The following FSD1L variants were observed in gnomAD, a reference collection of about 807,000 sequenced individuals.
The protein encoded by FSD1L is FSD1-like protein.
Under a neutral mutation model 71.6 loss-of-function variants are expected in FSD1L, and 45 were observed. The observed-to-expected ratio is 0.63, with a 90% CI of 0.49 to 0.81. FSD1L has a LOEUF of 0.81. FSD1L is among the 30% of genes least tolerant of loss of function. The pLI is 0.00. For synonymous variants in FSD1L, 197 were observed against 207.2 expected, an observed-to-expected ratio of 0.95 and a Z score of 0.42; for missense variants, 561 against 618.1, an observed-to-expected ratio of 0.91 and a Z score of 0.98.
rs947641663 is a variant in FSD1L, at chr9:105,546,649, C to T, written c.*166C>T. ...CCTAGTACGAAGCATTTGCAGGAAC[C>T]TACTGTGCAGTATCATAGAAGCAAG... On this transcript the variant is annotated 3_prime_UTR_variant, in exon 14 of 14. Transcript: ENST00000481272. 1.8e-6 allele frequency: 1 copy of T among 556,794 alleles called. No homozygotes were observed. Among genetic ancestry groups the T allele is most frequent in the African/African-American group, 1.9e-5 (1 of 51,586 alleles). 34.5% of individuals were successfully genotyped at this position (556,794 alleles called of 1,614,324 possible). A position where few individuals can be genotyped will look rare whatever the true frequency, so the allele number is the denominator to read the frequency against.
chr9:105,524,077 A>G, intron 10 of FSD1L: 7 of 1,611,314 alleles, frequency 4.3e-6, no homozygotes, highest in Non-Finnish European at 5.1e-6. Flanking sequence ...CTTATAATCA[A>G]AACTGTATTA....
At chr9:105,496,595 T>G (rs550952245) in intron 7 of FSD1L, among the ~76,000 whole-genome samples, 3 of 152,364 alleles carry the variant, frequency 2.0e-5, no homozygotes, top group South Asian at 2.1e-4. Context: ...TTTCCTCATA[T>G]AAACATGGAA....
At chr9:105,487,757 AT>A (rs1381234867) in intron 7 of FSD1L, among the ~76,000 whole-genome samples, 1 of 152,072 alleles carries the variant, frequency 6.6e-6, no homozygotes, top group Non-Finnish European at 1.5e-5. Context: ...ATACATCACA[AT>A]TTTCTTTTGT....
rs757405762 is a variant in FSD1L, at chr9:105,549,658, A to G, written c.*3175A>G. On this transcript the variant is annotated 3_prime_UTR_variant, in exon 14 of 14. Coordinates refer to ENST00000481272, the MANE Select transcript of FSD1L (RefSeq NM_001145313.3). ...GAGACATATTGGCTTGCTTTAATTT[A>G]CTTATTTATGAAATTAAAGCATGAA... 5 of 151,986 alleles carry G rather than the reference A, an allele frequency of 3.3e-5. No individual in the cohort carries two copies. Among genetic ancestry groups the G allele is most frequent in the Non-Finnish European group, 7.4e-5 (5 of 67,910 alleles). 9.4% of individuals were successfully genotyped at this position (151,986 alleles called of 1,614,324 possible).
intron 13 of FSD1L, among the ~76,000 whole-genome samples, chr9:105,545,918 A>T (rs1158700733): frequency 6.6e-6 from 1 of 152,054 alleles, no homozygotes; most frequent in Non-Finnish European, 1.5e-5. Flanking sequence ...AAAACAGTGG[A>T]TTTTACTGTT....
intron 1 of FSD1L, among the ~76,000 whole-genome samples, chr9:105,459,218 A>G (rs965667001): frequency 1.3e-5 from 2 of 152,216 alleles, no homozygotes; most frequent in South Asian, 4.1e-4. Flanking sequence ...TTCAGAACTC[A>G]GCACATGTAA....
At position 105,448,119 on chromosome 9, in the gene FSD1L, G is replaced by C; in HGVS notation, c.-102G>C. ...GGCCGGGCGGTGCCGGTGCGGGCTG[G>C]GGCAGTGCAGTGAGTAGCGGTCTTG... On this transcript the variant is annotated 5_prime_UTR_variant, in exon 1 of 14. Transcript: ENST00000481272. The C allele has an allele frequency of 2.4e-6, 3 of 1,270,784 alleles. No individual in the cohort carries two copies. Among genetic ancestry groups the C allele is most frequent in the Non-Finnish European group, 3.3e-6 (3 of 899,226 alleles). 78.7% of individuals were successfully genotyped at this position (1,270,784 alleles called of 1,614,324 possible). A position where few individuals can be genotyped will look rare whatever the true frequency, so the allele number is the denominator to read the frequency against.
Position 105,521,154 on chromosome 9 carries a change from G to A in FSD1L, c.1025+8218G>A. 3 of 1,613,924 alleles carry A rather than the reference G, an allele frequency of 1.9e-6. No homozygotes were observed. The Admixed American group carries it at 5.0e-5, about 27-fold the overall frequency. The stretch of plus-strand genomic sequence containing the variant: ...TTGTACAAAGGAGCCTTTCATTAAG[G>A]CTCGTGTTATTGTCATTCGTTGGCT... On this transcript the variant is annotated intron_variant, in intron 10 of 13. Coordinates refer to ENST00000481272, the MANE Select transcript of FSD1L (RefSeq NM_001145313.3).
At chr9:105,477,964 C>T (rs1831919420) in intron 5 of FSD1L, among the ~76,000 whole-genome samples, 1 of 152,080 alleles carries the variant, frequency 6.6e-6, no homozygotes, top group African/African-American at 2.4e-5. Context: ...TTCTGTGTTG[C>T]CTGGGTGTGC....
At chr9:105,527,765 A>G (rs1161555513) in intron 10 of FSD1L, among the ~76,000 whole-genome samples, 1 of 152,076 alleles carries the variant, frequency 6.6e-6, no homozygotes, top group African/African-American at 2.4e-5. Context: ...CACCACTCCT[A>G]CTCAACATAG....
At chr9:105,533,558 G>T (rs1168947702) in intron 10 of FSD1L, among the ~76,000 whole-genome samples, 9 of 149,846 alleles carry the variant, frequency 6.0e-5, no homozygotes. Context: ...GAGTAGCTGG[G>T]ATTACAGGCA....
intron 4 of FSD1L, among the ~76,000 whole-genome samples, chr9:105,468,740 C>G (rs1318147552): frequency 2.0e-5 from 3 of 152,164 alleles, no homozygotes; most frequent in African/African-American, 7.2e-5. Context: ...GGTGATCCAC[C>G]CGTCTTGGCC....
At chr9:105,516,653 A>C (rs1300721336) in intron 10 of FSD1L, among the ~76,000 whole-genome samples, 1 of 152,162 alleles carries the variant, frequency 6.6e-6, no homozygotes, top group Non-Finnish European at 1.5e-5. Flanking sequence ...CATCCACTCA[A>C]AGACCCCATC....
In FSD1L at chr9:105,529,774, T is replaced by TA. The variant is rs970488417; in HGVS notation, c.1026-4709dup. Among the ~76,000 whole-genome samples, 302 of 146,878 alleles carry TA rather than the reference T, an allele frequency of 2.1e-3. 1 individual carries two copies. Among genetic ancestry groups the TA allele is most frequent in the Middle Eastern group, 6.8e-3 (2 of 294 alleles). On this transcript the variant is annotated intron_variant, in intron 10 of 13. Transcript: ENST00000481272. ...CCCAGAACTTTAAGTATAATAATAT[T>TA]AAAAAAAAAAGAGAAAAAAAATCAC...
Position 105,534,516 on chromosome 9 carries a change from G to T in FSD1L, c.1049G>T (p.Arg350Leu), listed in dbSNP as rs1337271918. 6.5e-7 allele frequency: 1 copy of T among 1,548,804 alleles called. No homozygotes were observed. Among genetic ancestry groups the T allele is most frequent in the East Asian group, 2.4e-5 (1 of 40,876 alleles). ...AGAAGTGGTACACCATCCCCAAAAC[G>T]AACATCTGTAGGCTCCAGGCCACCA... ...KGRSGTPSPK[R>L]TSVGSRPPAV... The change falls in exon 11 of 14, where the codon CGA becomes CTA. Residue 350 changes from arginine (R) to leucine (L), a missense_variant. Physicochemically the swap from Arg to Leu is moderately radical, Grantham distance 102. This residue lies in a region of FSD1L where 410 missense variants were observed against 413.5 expected (regional missense o/e 0.99). Coordinates refer to ENST00000481272, the MANE Select transcript of FSD1L (RefSeq NM_001145313.3).
intron 7 of FSD1L, among the ~76,000 whole-genome samples, chr9:105,499,504 T>C (rs1833636935): frequency 6.6e-6 from 1 of 152,124 alleles, no homozygotes; most frequent in South Asian, 2.1e-4. Flanking sequence ...TTATTTCTCC[T>C]TCACTACTGA....
intron 10 of FSD1L, among the ~76,000 whole-genome samples, chr9:105,518,255 G>A (rs1589059752): frequency 6.6e-6 from 1 of 152,196 alleles, no homozygotes; most frequent in Admixed American, 6.6e-5. Flanking sequence ...AGATCAATGA[G>A]ACAGAAAATT....
At chr9:105,536,755 C>A (rs1459041443) in intron 12 of FSD1L, among the ~76,000 whole-genome samples, 1 of 151,458 alleles carries the variant, frequency 6.6e-6, no homozygotes, top group Non-Finnish European at 1.5e-5. Flanking sequence ...CCTGCCTCAG[C>A]CTCCTGAGTT....
rs574851640 is a variant in FSD1L, at chr9:105,544,214, G to C, written c.1468-2144G>C. Among the ~76,000 whole-genome samples, 20 of 152,084 alleles carry C rather than the reference G, an allele frequency of 1.3e-4. No individual in the cohort carries two copies. In the South Asian group the frequency reaches 4.1e-3, roughly 32 times the overall value. On this transcript the variant is annotated intron_variant, in intron 13 of 13. Coordinates refer to ENST00000481272, the MANE Select transcript of FSD1L (RefSeq NM_001145313.3). ...ATGAGCATTTTTTCATGTGTCTGTT[G>C]GCTGCATAAATGTCTTTTGAGAAGT... is the stretch of plus-strand genomic sequence containing the variant.
Sources: gnomAD v4.1 joint callset for allele counts (sites outside exome capture counted in the v4.1 genomes callset) on GRCh38, gnomAD v4.1.1 for gene constraint, gnomAD v4.1.1 regional missense constraint, MANE v1.5 for transcripts, NCBI Gene and HGNC (gene_info 2026-07-23, HGNC 2026-07-21) for gene names.